The following HMSD variants were observed in gnomAD, a reference collection of about 807,000 sequenced individuals.
HMSD encodes the protein serpin-like protein HMSD.
A neutral mutation model predicts 10.0 loss-of-function variants in HMSD; 13 were observed. The ratio of observed to expected loss-of-function variants is 1.31; its 90% CI spans 0.85 to 2.08. The LOEUF is 2.08. HMSD is among the 30% of genes most tolerant of loss of function. The pLI is 0.00. For synonymous variants in HMSD, 51 were observed against 54.2 expected (o/e 0.94, Z 0.26); for missense variants, 169 against 166.3 (o/e 1.02, Z -0.09).
intron 1 of HMSD, among the ~76,000 whole-genome samples, chr18:63,950,342 G>A (rs970470136): frequency 2.7e-5 from 4 of 147,454 alleles, no homozygotes; most frequent in Non-Finnish European, 5.9e-5. Context: ...CTTGAACCTG[G>A]GAGGCAGAGG....
At chr18:63,965,074 T>C (rs985972452), downstream of HMSD, among the ~76,000 whole-genome samples, 4 of 152,256 alleles carry the variant, frequency 2.6e-5, no homozygotes, top group African/African-American at 9.6e-5. Context: ...AAGTGAACAC[T>C]GCCTGATGTA....
chr18:63,963,221 TTCCTTGCTTCCTTCCTTC>T (rs2050397653), downstream of HMSD, among the ~76,000 whole-genome samples: 1 of 78,492 alleles, frequency 1.3e-5, no homozygotes, highest in Admixed American at 1.5e-4. Context: ...CCTTCCTTCC[TTCCTTGCTTCCTTCCTTC>T]CTTCCTTGCT....
Position 63,950,554 on chromosome 18 carries a change from GGTT to G in HMSD, c.-103+1156_-103+1158del, listed in dbSNP as rs1160069372. Among the ~76,000 whole-genome samples the G allele has an allele frequency of 3.9e-5, 6 of 152,040 alleles. No homozygotes were observed. In the East Asian group the frequency reaches 9.7e-4, roughly 24 times the overall value. On this transcript the variant is annotated intron_variant, in intron 1 of 3. Transcript: ENST00000408945. ...TAGGAATAGTGACTATAGGCACCTA[GGTT>G]GACAGGCACAGTGGTTACAAAAACC...
At chr18:63,962,888 T>C (rs866866032), downstream of HMSD, among the ~76,000 whole-genome samples, 4 of 151,788 alleles carry the variant, frequency 2.6e-5, no homozygotes, top group East Asian at 1.9e-4. Context: ...TTGAGGGAGG[T>C]TTCCAGTCCT....
At chr18:63,960,130 G>T in intron 3 of HMSD, 28 bp from the exon 4 acceptor site, 4 of 1,600,082 alleles carry the variant, frequency 2.5e-6, no homozygotes, top group Non-Finnish European at 3.4e-6. Context: ...TTCTGTAGCT[G>T]TGAAATTATG....
chr18:63,956,276 A>G (rs900023874), intron 3 of HMSD, among the ~76,000 whole-genome samples: 1 of 152,232 alleles, frequency 6.6e-6, no homozygotes, highest in Admixed American at 6.5e-5. Context: ...TCAACAGTGT[A>G]AACAGACAAC....
chr18:63,956,447 A>G (rs2050358969), intron 3 of HMSD, among the ~76,000 whole-genome samples: 1 of 152,216 alleles, frequency 6.6e-6, no homozygotes, highest in African/African-American at 2.4e-5. Flanking sequence ...TTTTCAAAAG[A>G]TGACATATGC....
At chr18:63,956,189 A>G (rs1212282422) in intron 3 of HMSD, among the ~76,000 whole-genome samples, 2 of 152,226 alleles carry the variant, frequency 1.3e-5, no homozygotes, top group Non-Finnish European at 2.9e-5. Context: ...AAGATGCCAA[A>G]AGCAATTGCA....
chr18:63,950,571 G>T (rs899704525), intron 1 of HMSD, among the ~76,000 whole-genome samples: 1 of 152,036 alleles, frequency 6.6e-6, no homozygotes, highest in Non-Finnish European at 1.5e-5. Flanking sequence ...AGGCACAGTG[G>T]TTACAAAAAC....
At chr18:63,967,804 T>G (rs2050416688) in intron 3 of HMSD, among the ~76,000 whole-genome samples, 1 of 152,164 alleles carries the variant, frequency 6.6e-6, no homozygotes, top group Non-Finnish European at 1.5e-5. Context: ...CCTTATCAGT[T>G]ACCTGTTGTG....
At chr18:63,951,905 A>T (rs1052671852) in intron 1 of HMSD, among the ~76,000 whole-genome samples, 5 of 152,060 alleles carry the variant, frequency 3.3e-5, no homozygotes, top group Non-Finnish European at 7.4e-5. Flanking sequence ...GGGAGTTGGG[A>T]GTAGTGGGAA....
chr18:63,968,800 CA>C (rs1248252333), intron 3 of HMSD: 1 of 152,098 alleles, frequency 6.6e-6, no homozygotes, highest in East Asian at 1.9e-4. Flanking sequence ...AGTTTGGGCA[CA>C]GTTCAAATGT....
chr18:63,967,794 C>A (rs1380746756), intron 3 of HMSD, among the ~76,000 whole-genome samples: 1 of 152,104 alleles, frequency 6.6e-6, no homozygotes, highest in Non-Finnish European at 1.5e-5. Context: ...TACTCTGGAA[C>A]CTTATCAGTT....
At chr18:63,963,904 T>C (rs1315033061), downstream of HMSD, among the ~76,000 whole-genome samples, 2 of 152,210 alleles carry the variant, frequency 1.3e-5, no homozygotes, top group African/African-American at 4.8e-5. Flanking sequence ...GATTATTCAG[T>C]GTAGGCACCC....
At position 63,949,338 on chromosome 18, in the gene HMSD, CT is replaced by C. The variant is rs2050316755; in HGVS notation, c.-164del. ...CTAACACCCGGCGCCGCTCAGACATCTCTATTCCCGCCTCTCCGACCCGGTC... is the reference window on the plus strand; with the variant it reads ...CTAACACCCGGCGCCGCTCAGACATCCTATTCCCGCCTCTCCGACCCGGTC... On this transcript the variant is annotated 5_prime_UTR_variant, in exon 1 of 4. Transcript: ENST00000408945. The C allele has an allele frequency of 6.6e-6, 1 of 152,350 alleles. No homozygotes were observed. The highest frequency in any genetic ancestry group is 1.5e-5 in the Non-Finnish European group (1 of 68,166). The allele number at this position is 152,350 out of a possible 1,614,324, so 9.4% of individuals were successfully genotyped here.
chr18:63,950,415 C>CAAAAAAAAAAAAA lies in HMSD; in HGVS notation c.-103+1030_-103+1042dup, dbSNP rs562421091. 3.3e-3 allele frequency among the ~76,000 whole-genome samples: 130 copies of CAAAAAAAAAAAAA among 39,056 alleles called. 15 individuals carry two copies. The highest frequency in any genetic ancestry group is 7.2e-3 in the African/African-American group (111 of 15,326). 25.6% of individuals were successfully genotyped at this position (39,056 alleles called of 152,430 possible). A position where few individuals can be genotyped will look rare whatever the true frequency, so the allele number is the denominator to read the frequency against. On this transcript the variant is annotated intron_variant, in intron 1 of 3. Transcript: ENST00000408945. Reference sequence around the variant, plus strand: ...TGAGGGACAAAGCGAGACTCTCTCTCAAAAAAAAAAAAAAAAAAAAAAAAA... The same window carrying CAAAAAAAAAAAAA: ...TGAGGGACAAAGCGAGACTCTCTCTCAAAAAAAAAAAAAAAAAAAAAAAAAAAAAAAAAAAAAA...
chr18:63,956,919 C>A (rs1316869925), intron 3 of HMSD, among the ~76,000 whole-genome samples: 1 of 152,158 alleles, frequency 6.6e-6, no homozygotes, highest in Admixed American at 6.5e-5. Flanking sequence ...ATGTCCTTTG[C>A]AGCCACAGAG....
Position 63,953,585 on chromosome 18 carries a change from A to G in HMSD, c.72+58A>G, listed in dbSNP as rs1294811891. 65 of 1,365,492 alleles carry G rather than the reference A, an allele frequency of 4.8e-5. No homozygotes were observed. The South Asian group carries it at 7.4e-4, about 16-fold the overall frequency. 84.6% of individuals were successfully genotyped at this position (1,365,492 alleles called of 1,614,324 possible). On this transcript the variant is annotated intron_variant, in intron 2 of 3. Coordinates refer to ENST00000408945, the MANE Select transcript of HMSD (RefSeq NM_001123366.2). ...GCTATCAATTTATCAGTTGAGCTGG[A>G]CTTCTGCATTTCAAGTCTTGAAGAA...
intron 1 of HMSD, among the ~76,000 whole-genome samples, chr18:63,949,620 G>A (rs1266288681): frequency 1.3e-5 from 2 of 152,172 alleles, no homozygotes; most frequent in Non-Finnish European, 2.9e-5. Context: ...GTGCCCTATG[G>A]GTCCAGGCGC....
Sources: allele counts gnomAD v4.1 joint callset (sites outside exome capture counted in the v4.1 genomes callset), GRCh38; gene constraint gnomAD v4.1.1; transcripts MANE v1.5; gene names NCBI Gene and HGNC (gene_info 2026-07-23, HGNC 2026-07-21).